FAM149B1: variants seen among roughly 807,000 people sequenced by gnomAD.
FAM149B1 encodes the protein family with sequence similarity 149 member B1, also known as primary cilium assembly protein FAM149B1.
A neutral mutation model predicts 75.3 loss-of-function variants in FAM149B1; 56 were observed. The observed-to-expected ratio is 0.74, with a 90% CI of 0.60 to 0.93. FAM149B1 has a LOEUF of 0.93. FAM149B1 is among the 40% of genes least tolerant of loss of function. The pLI is 0.00. For missense variants in FAM149B1, 639 were observed against 708.4 expected (o/e 0.90, Z 1.11); for synonymous variants, 259 against 256.1 (o/e 1.01, Z -0.11).
In FAM149B1 at chr10:73,210,262, T is replaced by A; in HGVS notation, c.722T>A (p.Phe241Tyr). The change falls in exon 7 of 14, where the codon TTT becomes TAT. Residue 241 changes from phenylalanine to tyrosine, a missense_variant. Transcript: ENST00000242505. ...TGCTTCTGTTACAGAGAAGAGGGAT[T>A]TCATGGGAAGAAATCAGAAGCAGCT... The part of the protein sequence containing the change: ...AFDHIDIEEG[F>Y]HGKKSEAATE... 2 of 1,550,596 alleles carry A rather than the reference T, an allele frequency of 1.3e-6. No homozygotes were observed. The highest frequency in any genetic ancestry group is 1.7e-6 in the Non-Finnish European group (2 of 1,146,128).
intron 3 of FAM149B1, among the ~76,000 whole-genome samples, chr10:73,191,528 G>A (rs1297591494): frequency 6.6e-6 from 1 of 152,016 alleles, no homozygotes; most frequent in Non-Finnish European, 1.5e-5. Flanking sequence ...AGTAGAGACA[G>A]GGTTTCATCA....
At chr10:73,227,546 T>C (rs1005650862) in intron 7 of FAM149B1, among the ~76,000 whole-genome samples, 9 of 152,226 alleles carry the variant, frequency 5.9e-5, no homozygotes, top group Non-Finnish European at 1.3e-4. Flanking sequence ...TTCGTGGATG[T>C]GATTCTTAAA....
intron 7 of FAM149B1, among the ~76,000 whole-genome samples, chr10:73,225,503 T>G (rs1388525657): frequency 6.6e-6 from 1 of 152,178 alleles, no homozygotes; most frequent in Non-Finnish European, 1.5e-5. Context: ...GAAAAAATAT[T>G]TTTGTACAGT....
Position 73,192,613 on chromosome 10 carries a change from C to G in FAM149B1, c.340C>G (p.Leu114Val). The change falls in exon 4 of 14, where the codon CTC (leucine) becomes GTC (valine). Residue 114 changes from leucine (L) to valine (V), a missense_variant. Leu to Val is a conservative substitution (Grantham distance 32, BLOSUM62 1). Transcript: ENST00000242505. ...VQTMFTAIDE[L>V]LYEQKLSVHT... ...GACAATGTTCACAGCCATTGATGAA[C>G]TCTTGTATGAGCAGAAGTTGAGTGT... 6.4e-7 allele frequency: 1 copy of G among 1,551,920 alleles called. No individual in the cohort carries two copies.
intron 3 of FAM149B1, among the ~76,000 whole-genome samples, chr10:73,190,263 G>A (rs139834337): frequency 3.1e-4 from 46 of 149,590 alleles, no homozygotes; most frequent in South Asian, 1.5e-3. Context: ...TTTTAGACCC[G>A]AAGAAAGACA....
At chr10:73,190,557 T>TC (rs2042658072) in intron 3 of FAM149B1, among the ~76,000 whole-genome samples, 2 of 152,120 alleles carry the variant, frequency 1.3e-5, no homozygotes, top group African/African-American at 4.8e-5. Flanking sequence ...GGGTTGACTT[T>TC]CATTTTTAGG....
At position 73,233,050 on chromosome 10, in the gene FAM149B1, G is replaced by A. The variant is rs1247384164; in HGVS notation, c.1239G>A (p.Val413=). 6.4e-7 allele frequency: 1 copy of A among 1,551,646 alleles called. No homozygotes were observed. The highest frequency in any genetic ancestry group is 1.4e-5 in the African/African-American group (1 of 73,118). The stretch of plus-strand genomic sequence containing the variant: ...GTACATCATCTCTGTCATACACAGT[G>A]CAGTCCACCAGGAGACGCAATCCAC... The part of the protein sequence containing the change: ...EFSTSSLSYT[V]QSTRRRNPPP... The change falls in exon 10 of 14, where the codon GTG becomes GTA. Residue 413 remains valine, a synonymous_variant. Coordinates refer to ENST00000242505, the MANE Select transcript of FAM149B1 (RefSeq NM_173348.2).
At chr10:73,230,225 G>A in intron 8 of FAM149B1, 197 bp from the exon 9 acceptor site, 1 of 480,202 alleles carries the variant, frequency 2.1e-6, no homozygotes, top group East Asian at 3.5e-5. Context: ...TTTAGGAATG[G>A]AGAGGAAAGG....
At chr10:73,201,236 G>A (rs764359237) in intron 5 of FAM149B1, 1 of 233,628 alleles carries the variant, frequency 4.3e-6, no homozygotes, top group Admixed American at 4.1e-5. Context: ...TAATTCCTGG[G>A]ATGACAGAGT....
intron 13 of FAM149B1, among the ~76,000 whole-genome samples, chr10:73,240,660 C>T (rs986609794): frequency 1.3e-5 from 2 of 150,104 alleles, no homozygotes; most frequent in African/African-American, 2.5e-5. Context: ...TGCAGTGAGC[C>T]GAGATCATGC....
intron 1 of FAM149B1, 70 bp downstream of exon 1, chr10:73,168,456 C>A: frequency 6.6e-7 from 1 of 1,512,390 alleles, no homozygotes; most frequent in South Asian, 1.2e-5. Flanking sequence ...CTTGACCAGT[C>A]CTTCGTTCCT....
chr10:73,193,392 C>A, intron 4 of FAM149B1, 85 bp from the exon 5 acceptor site: 2 of 1,355,714 alleles, frequency 1.5e-6, no homozygotes, highest in Non-Finnish European at 2.0e-6. Flanking sequence ...TATGTTGAGC[C>A]ATCAAATGTG....
intron 5 of FAM149B1, 102 bp downstream of exon 5, chr10:73,193,695 G>C: frequency 1.7e-6 from 2 of 1,160,606 alleles, no homozygotes; most frequent in Non-Finnish European, 2.4e-6. Flanking sequence ...CTACTTATTA[G>C]TATTTAGTAA....
chr10:73,240,999 C>T lies in FAM149B1; in HGVS notation c.1729C>T (p.Arg577Ter). 9 of 1,522,374 alleles carry T rather than the reference C, an allele frequency of 5.9e-6. No individual in the cohort carries two copies. Among genetic ancestry groups the T allele is most frequent in the East Asian group, 2.5e-5 (1 of 39,830 alleles). The allele number at this position is 1,522,374 out of a possible 1,614,324, so 94.3% of individuals were successfully genotyped here. Residue 577 changes from arginine (R) to a stop codon, truncating the protein, a stop_gained, in exon 14 of 14, where the codon CGA becomes TGA. Coordinates refer to ENST00000242505, the MANE Select transcript of FAM149B1 (RefSeq NM_173348.2). LOFTEE classifies it high-confidence loss of function. The stretch of plus-strand genomic sequence containing the variant: ...TCAAAGCGGAGGCAGACCAGTCTCT[C>T]GAACCAGGCAGGGACCATAAGGCAA... ...KSQSGGRPVS[R>*]TRQGP
At chr10:73,188,752 A>AGGAG (rs1396420421) in intron 3 of FAM149B1, among the ~76,000 whole-genome samples, 1 of 118,346 alleles carries the variant, frequency 8.4e-6, no homozygotes, top group Non-Finnish European at 1.8e-5. Flanking sequence ...AAAGGAAGGA[A>AGGAG]GGAGGGAAGG....
At chr10:73,204,851 C>T (rs2043016521) in intron 5 of FAM149B1, among the ~76,000 whole-genome samples, 1 of 137,392 alleles carries the variant, frequency 7.3e-6, no homozygotes, top group Admixed American at 7.7e-5. Context: ...AATCTCAGCT[C>T]ACTGCAAGCT....
intron 3 of FAM149B1, among the ~76,000 whole-genome samples, chr10:73,188,756 G>GGGAAGGAGGGAAGGAAGGAA: frequency 7.7e-6 from 1 of 129,498 alleles, no homozygotes; most frequent in East Asian, 2.3e-4. Flanking sequence ...GAAGGAAGGA[G>GGGAAGGAGGGAAGGAAGGAA]GGAAGGAAGG....
chr10:73,239,003 A>G (rs1264163092), intron 12 of FAM149B1: 1 of 212,482 alleles, frequency 4.7e-6, no homozygotes, highest in Non-Finnish European at 9.3e-6. Flanking sequence ...ACAAAAAGAA[A>G]TGAGACGAAC....
Position 73,242,209 on chromosome 10 carries a change from G to A in FAM149B1, c.*1190G>A, listed in dbSNP as rs1276453062. 5 of 152,092 alleles carry A rather than the reference G, an allele frequency of 3.3e-5. No individual in the cohort carries two copies. Among genetic ancestry groups the A allele is most frequent in the African/African-American group, 4.8e-5 (2 of 41,496 alleles). The allele number at this position is 152,092 out of a possible 1,614,324, so 9.4% of individuals were successfully genotyped here. On this transcript the variant is annotated 3_prime_UTR_variant, in exon 14 of 14. Transcript: ENST00000242505. ...TGTAGTCACAAACCGAAAACGTGTC[G>A]TCTTTACCTTAGAGCTAAAGGCTTA...
Sources: allele counts gnomAD v4.1 joint callset (sites outside exome capture counted in the v4.1 genomes callset), GRCh38; gene constraint gnomAD v4.1.1; transcripts MANE v1.5; gene names NCBI Gene and HGNC (gene_info 2026-07-23, HGNC 2026-07-21).